The following ACYP2 variants were observed in gnomAD, a reference collection of about 807,000 sequenced individuals.
The protein encoded by ACYP2 is acylphosphatase-2.
A neutral mutation model predicts 11.2 loss-of-function variants in ACYP2; 12 were observed. The ratio of observed to expected loss-of-function variants is 1.08; its 90% CI spans 0.69 to 1.74. ACYP2 has a LOEUF of 1.74. Ranked by LOEUF, ACYP2 falls within the 40% of genes most tolerant of loss-of-function variation. The pLI, the probability that ACYP2 is intolerant of heterozygous loss-of-function variation, is 0.00. For missense variants in ACYP2, 134 were observed against 101.9 expected, an observed-to-expected ratio of 1.31 and a Z score of -1.35; for synonymous variants, 43 against 32.2, an observed-to-expected ratio of 1.33 and a Z score of -1.13.
chr2:54,006,970 C>G (rs1673096654), intron 2 of ACYP2, among the ~76,000 whole-genome samples: 1 of 151,268 alleles, frequency 6.6e-6, no homozygotes, highest in East Asian at 2.0e-4. Flanking sequence ...ACTAAAAATA[C>G]AAAAATTAGC....
intron 2 of ACYP2, among the ~76,000 whole-genome samples, chr2:54,006,439 G>A (rs561284342): frequency 3.3e-5 from 5 of 151,932 alleles, no homozygotes; most frequent in East Asian, 1.9e-4. Context: ...GAGCCACCGC[G>A]CCCGGCCTCT....
At chr2:54,085,115 A>AG (rs1677881662) in intron 4 of ACYP2, 1 of 152,218 alleles carries the variant, frequency 6.6e-6, no homozygotes, top group Non-Finnish European at 1.5e-5. Context: ...AAAAATGATG[A>AG]GAAAAAAAAT....
intron 6 of ACYP2, among the ~76,000 whole-genome samples, chr2:54,164,187 T>C (rs376520624): frequency 3.3e-5 from 5 of 152,226 alleles, no homozygotes; most frequent in East Asian, 3.9e-4. Flanking sequence ...GAATGCTCCA[T>C]GGAAGAGAGA....
chr2:54,171,878 C>T (rs7592819), intron 6 of ACYP2, among the ~76,000 whole-genome samples: 1,750 of 152,062 alleles, frequency 0.012, 40 homozygotes, highest in African/African-American at 0.039. Context: ...AAAAAGGTGC[C>T]GTTTTCTTTC....
intron 2 of ACYP2, among the ~76,000 whole-genome samples, chr2:54,027,837 CTTTTT>C (rs34122179): frequency 4.7e-3 from 460 of 97,910 alleles, no homozygotes; most frequent in Non-Finnish European, 6.2e-3. Context: ...TTCTTTCTTT[CTTTTT>C]TTTTTTTTTT....
rs534375329 is a variant in ACYP2 at position 54,296,130 on chromosome 2, A to G, written c.405-8558A>G. 2.0e-5 allele frequency among the ~76,000 whole-genome samples: 3 copies of G among 152,328 alleles called. No homozygotes were observed. The East Asian group carries it at 5.8e-4, about 29-fold the overall frequency. ...ATATAATAAACACATAGACAATCACATAAACATAGCAATTACAAAATGTGA... is the reference window on the plus strand; with the variant it reads ...ATATAATAAACACATAGACAATCACGTAAACATAGCAATTACAAAATGTGA... On this transcript the variant is annotated intron_variant, in intron 6 of 6. Coordinates refer to ENST00000607452, the MANE Select transcript of ACYP2 (RefSeq NM_001320586.2).
intron 2 of ACYP2, among the ~76,000 whole-genome samples, chr2:53,979,816 C>T (rs1226076639): frequency 6.6e-6 from 1 of 151,700 alleles, no homozygotes; most frequent in African/African-American, 2.4e-5. Flanking sequence ...ACCTCAGCCT[C>T]CCTAGTAGCT....
intron 6 of ACYP2, among the ~76,000 whole-genome samples, chr2:54,188,038 G>A (rs966171635): frequency 7.2e-5 from 11 of 152,176 alleles, no homozygotes; most frequent in South Asian, 2.1e-4. Context: ...CAAACCTGTC[G>A]TAGCCCTGAT....
At chr2:54,232,890 T>C (rs1040963241) in intron 6 of ACYP2, among the ~76,000 whole-genome samples, 1 of 152,062 alleles carries the variant, frequency 6.6e-6, no homozygotes. Flanking sequence ...CCTTGACATA[T>C]AGGGATTACA....
At chr2:54,149,579 C>T (rs1407238764) in intron 6 of ACYP2, among the ~76,000 whole-genome samples, 3 of 152,054 alleles carry the variant, frequency 2.0e-5, no homozygotes, top group East Asian at 1.9e-4. Context: ...AGTGTTATGA[C>T]ACTGAGCATA....
At chr2:54,245,083 A>T (rs1421681060) in intron 6 of ACYP2, among the ~76,000 whole-genome samples, 1 of 151,802 alleles carries the variant, frequency 6.6e-6, no homozygotes, top group Non-Finnish European at 1.5e-5. Flanking sequence ...TTTTACTTCT[A>T]AGAGATTGGC....
chr2:54,143,474 C>A (rs958838879), intron 6 of ACYP2, among the ~76,000 whole-genome samples: 4 of 152,066 alleles, frequency 2.6e-5, no homozygotes, highest in African/African-American at 9.7e-5. Context: ...CGCTTTGTTG[C>A]CCACGCTGGA....
At chr2:54,215,666 A>C (rs1192636622) in intron 6 of ACYP2, among the ~76,000 whole-genome samples, 2 of 152,138 alleles carry the variant, frequency 1.3e-5, no homozygotes, top group Non-Finnish European at 2.9e-5. Flanking sequence ...ATAACAAGGT[A>C]TATAATTTCT....
At chr2:54,098,908 T>C (rs1678738033) in intron 4 of ACYP2, among the ~76,000 whole-genome samples, 1 of 152,112 alleles carries the variant, frequency 6.6e-6, no homozygotes, top group Non-Finnish European at 1.5e-5. Context: ...TTAAAATTTT[T>C]GTAGAGATGA....
chr2:54,115,994 G>C (rs1047142031), intron 4 of ACYP2, among the ~76,000 whole-genome samples: 1 of 152,106 alleles, frequency 6.6e-6, no homozygotes, highest in African/African-American at 2.4e-5. Context: ...GAGGGGTCAG[G>C]GGACTGCTGA....
intron 2 of ACYP2, among the ~76,000 whole-genome samples, chr2:53,984,826 C>T (rs1301654855): frequency 6.6e-6 from 1 of 151,516 alleles, no homozygotes; most frequent in Non-Finnish European, 1.5e-5. Flanking sequence ...AGGATGAATG[C>T]AGAAAAAGCA....
chr2:53,989,631 G>C (rs1421290279), intron 2 of ACYP2, among the ~76,000 whole-genome samples: 1 of 152,152 alleles, frequency 6.6e-6, no homozygotes, highest in Non-Finnish European at 1.5e-5. Flanking sequence ...TAAGGGATGA[G>C]ATTCACCCTC....
rs530453136 is a variant in ACYP2, at chr2:54,217,545, A to AT, written c.404+78804dup. On this transcript the variant is annotated intron_variant, in intron 6 of 6. Transcript: ENST00000607452. ...CTGTCCCTGGCTATTTTTTTTTTGT[A>AT]TTTTTTTGGTATAGATGGGGTTTCA... 2.6e-4 allele frequency among the ~76,000 whole-genome samples: 39 copies of AT among 149,992 alleles called. No homozygotes were observed. The South Asian group carries it at 7.0e-3, about 27-fold the overall frequency.
At chr2:54,285,326 T>C (rs1689033216) in intron 6 of ACYP2, among the ~76,000 whole-genome samples, 1 of 152,248 alleles carries the variant, frequency 6.6e-6, no homozygotes, top group Non-Finnish European at 1.5e-5. Flanking sequence ...GCTTTCCTTC[T>C]GCCTCACTTG....
Sources: gnomAD v4.1 joint callset for allele counts (sites outside exome capture counted in the v4.1 genomes callset) on GRCh38, gnomAD v4.1.1 for gene constraint, MANE v1.5 for transcripts, NCBI Gene and HGNC (gene_info 2026-07-23, HGNC 2026-07-21) for gene names.